VPS39: variants seen among roughly 807,000 people sequenced by gnomAD.
The protein encoded by VPS39 is vam6/Vps39-like protein.
A neutral mutation model predicts 121.0 loss-of-function variants in VPS39; 70 were observed. The observed-to-expected ratio is 0.58, with a 90% CI of 0.48 to 0.71. The LOEUF (loss-of-function observed/expected upper bound fraction) is 0.71. Ranked by LOEUF, VPS39 falls within the 30% of genes least tolerant of loss-of-function variation. The pLI, the probability that VPS39 is intolerant of heterozygous loss-of-function variation, is 0.00. For synonymous variants in VPS39, 378 were observed against 398.1 expected (o/e 0.95, Z 0.60); for missense variants, 818 against 1,051.5 (o/e 0.78, Z 3.07).
Position 42,178,870 on chromosome 15 carries a change from G to C in VPS39, c.719-300C>G, listed in dbSNP as rs1056386879. 9.9e-6 allele frequency: 3 copies of C among 304,314 alleles called. No individual in the cohort carries two copies. The Admixed American group carries it at 1.3e-4, about 13-fold the overall frequency. The allele number at this position is 304,314 out of a possible 1,614,324, so 18.9% of individuals were successfully genotyped here. A position where few individuals can be genotyped will look rare whatever the true frequency, so the allele number is the denominator to read the frequency against. On this transcript the variant is annotated intron_variant, in intron 8 of 24. Coordinates refer to ENST00000318006, the MANE Select transcript of VPS39 (RefSeq NM_015289.5). Reference sequence around the variant, plus strand: ...ATTTATTAAAAAATTAGTCAGGTGTGGTGGTGCACACCTGTAGTCCCAGCT... The same window carrying C: ...ATTTATTAAAAAATTAGTCAGGTGTCGTGGTGCACACCTGTAGTCCCAGCT...
intron 19 of VPS39, 46 bp downstream of exon 19, chr15:42,164,312 C>A: frequency 6.2e-7 from 1 of 1,610,838 alleles, no homozygotes; most frequent in Non-Finnish European, 8.5e-7. Context: ...TTAGTCTTTG[C>A]ATGACCTTCG....
At chr15:42,187,608 T>C (rs2049730099) in intron 6 of VPS39, 150 bp downstream of exon 6, 2 of 774,348 alleles carry the variant, frequency 2.6e-6, no homozygotes, top group African/African-American at 1.7e-5. Context: ...TGTAGAATCA[T>C]ATTACAAGTA....
At position 42,165,119 on chromosome 15, in the gene VPS39, G is replaced by A. The variant is rs756285466; in HGVS notation, c.1780-6C>T. ...CAAACATGGATGATGTGTTCCTGAG[G>A]CAAGATGTAGGTCTTTGTCACTGGT... On this transcript the variant is annotated splice_region_variant and splice_polypyrimidine_tract_variant and intron_variant, in intron 17 of 24. Coordinates refer to ENST00000318006, the MANE Select transcript of VPS39 (RefSeq NM_015289.5). 4.3e-6 allele frequency: 7 copies of A among 1,613,654 alleles called. 1 individual carries two copies. The South Asian group carries it at 7.7e-5, about 18-fold the overall frequency.
intron 10 of VPS39, 119 bp downstream of exon 10, chr15:42,178,099 C>CCCTGGACT: frequency 7.2e-7 from 1 of 1,390,516 alleles, no homozygotes; most frequent in Non-Finnish European, 9.8e-7. Context: ...GTATTCAAGG[C>CCCTGGACT]CCTGGACTTT....
intron 7 of VPS39, among the ~76,000 whole-genome samples, chr15:42,186,878 T>G (rs538960957): frequency 6.6e-6 from 1 of 152,246 alleles, no homozygotes; most frequent in African/African-American, 2.4e-5. Flanking sequence ...ACAAAAAGAT[T>G]TGACGGCAGG....
At position 42,167,401 on chromosome 15, in the gene VPS39, T is replaced by C. The variant is rs777454466; in HGVS notation, c.1370A>G (p.Tyr457Cys). The C allele has an allele frequency of 3.7e-6, 6 of 1,614,110 alleles. No homozygotes were observed. The highest frequency in any genetic ancestry group is 4.2e-6 in the Non-Finnish European group (5 of 1,179,982). ...QIIDTTLLKC[Y>C]LHTNVALVAP... ...AGCGCTCAGGTAACTCACATGGAGA[T>C]AGCACTTGAGCAGGGTGGTGTCGAT... The change falls in exon 13 of 25, where the codon TAT (tyrosine) becomes TGT (cysteine). Residue 457 changes from tyrosine to cysteine, a missense_variant. Physicochemically the swap from Tyr to Cys is radical, Grantham distance 194 (BLOSUM62 -2). Transcript: ENST00000318006.
chr15:42,184,561 G>C lies in VPS39; in HGVS notation c.674C>G (p.Thr225Arg). ...TVVLNEEGIC[T>R]QKCALNWTDI... Reference sequence around the variant, plus strand: ...CGTCCAGTTCAGGGCACATTTCTGTGTGCAGATCCCTTCCTCATTGAGTAC... The same window carrying C: ...CGTCCAGTTCAGGGCACATTTCTGTCTGCAGATCCCTTCCTCATTGAGTAC... The change falls in exon 8 of 25, where the codon ACA becomes AGA. Residue 225 changes from threonine (T) to arginine (R), a missense_variant. Transcript: ENST00000318006. 6.2e-7 allele frequency: 1 copy of C among 1,614,004 alleles called. No individual in the cohort carries two copies. Among genetic ancestry groups the C allele is most frequent in the South Asian group, 1.1e-5 (1 of 91,068 alleles).
intron 24 of VPS39, 118 bp from the exon 25 acceptor site, chr15:42,160,947 C>T: frequency 9.9e-7 from 1 of 1,008,748 alleles, no homozygotes; most frequent in African/African-American, 1.6e-5. Flanking sequence ...AGCAGCCCAC[C>T]CAAACCTCAA....
In VPS39 at chr15:42,187,981, C is replaced by T. The variant is rs2049740321; in HGVS notation, c.343-125G>A. ...GAAAATTCCCTGTAACACAGTCATC[C>T]TGCCAGGAAAGCTGAGCAGAACACC... On this transcript the variant is annotated intron_variant, in intron 5 of 24. Coordinates refer to ENST00000318006, the MANE Select transcript of VPS39 (RefSeq NM_015289.5). 37 of 856,112 alleles carry T rather than the reference C, an allele frequency of 4.3e-5. 1 individual carries two copies. In the South Asian group the frequency reaches 5.5e-4, roughly 13 times the overall value. The allele number at this position is 856,112 out of a possible 1,614,324, so 53.0% of individuals were successfully genotyped here. A position where few individuals can be genotyped will look rare whatever the true frequency, so the allele number is the denominator to read the frequency against.
At chr15:42,192,623 A>G (rs1453817896) in intron 2 of VPS39, among the ~76,000 whole-genome samples, 1 of 152,070 alleles carries the variant, frequency 6.6e-6, no homozygotes, top group African/African-American at 2.4e-5. Flanking sequence ...CCCTCAGCAG[A>G]GGGGATGAAG....
chr15:42,181,092 A>G (rs1185948706), intron 8 of VPS39, among the ~76,000 whole-genome samples: 1 of 152,236 alleles, frequency 6.6e-6, no homozygotes, highest in Non-Finnish European at 1.5e-5. Flanking sequence ...AGCATTATTC[A>G]CAGCAGCCAA....
intron 1 of VPS39, 83 bp from the exon 2 acceptor site, chr15:42,200,044 T>A: frequency 1.5e-6 from 2 of 1,296,828 alleles, no homozygotes; most frequent in Non-Finnish European, 2.0e-6. Context: ...ATAACCCTAT[T>A]TTTTTAGCTG....
chr15:42,190,171 A>G (rs981033186), intron 4 of VPS39, among the ~76,000 whole-genome samples: 2 of 152,194 alleles, frequency 1.3e-5, no homozygotes, highest in African/African-American at 4.8e-5. Flanking sequence ...TGCAGTATTT[A>G]TACAAGAAAT....
intron 2 of VPS39, 95 bp downstream of exon 2, chr15:42,199,801 A>C (rs573730271): frequency 1.5e-6 from 2 of 1,367,974 alleles, no homozygotes; most frequent in Admixed American, 2.5e-5. Context: ...CTAACCTTCA[A>C]TCTCTCTTTT....
In VPS39 at chr15:42,184,551, AC is replaced by A; in HGVS notation, c.683del (p.Cys228LeufsTer3). The A allele has an allele frequency of 6.2e-7, 1 of 1,613,518 alleles. No individual in the cohort carries two copies. Among genetic ancestry groups the A allele is most frequent in the Non-Finnish European group, 8.5e-7 (1 of 1,179,848 alleles). ...LNEEGICTQKCALNWTDIPVA... is the reference protein window; with the variant it reads ...LNEEGICTQKXALNWTDIPVA... Reference sequence around the variant, plus strand: ...CTGGTATGTCCGTCCAGTTCAGGGCACATTTCTGTGTGCAGATCCCTTCCTC... The same window carrying A: ...CTGGTATGTCCGTCCAGTTCAGGGCAATTTCTGTGTGCAGATCCCTTCCTC... On this transcript the variant is annotated frameshift_variant, in exon 8 of 25. Transcript: ENST00000318006. LOFTEE classifies it high-confidence loss of function.
rs1566887366 is a variant in VPS39 at position 42,161,627 on chromosome 15, AC to A, written c.2552+54del. On this transcript the variant is annotated intron_variant, in intron 24 of 24. Coordinates refer to ENST00000318006, the MANE Select transcript of VPS39 (RefSeq NM_015289.5). ...CAGAAATCCATCCTGAGCGTTCTCC[AC>A]CCCTGGGAACCTCCACAAAGCCCAG... 3 of 1,561,170 alleles carry A rather than the reference AC, an allele frequency of 1.9e-6. No individual in the cohort carries two copies. The Admixed American group carries it at 5.0e-5, about 26-fold the overall frequency.
chr15:42,162,137 C>T lies in VPS39; in HGVS notation c.2355G>A (p.Gln785=). ...CCAGGAAGATGCGTATGTCATTGAT[C>T]TGAGTGTTTGCTGGCAGAAGGTTGA... The part of the protein sequence containing the change: ...KALNLLPANT[Q]INDIRIFLEK... The change falls in exon 23 of 25, where the codon CAG becomes CAA. Residue 785 remains glutamine, a synonymous_variant. Coordinates refer to ENST00000318006, the MANE Select transcript of VPS39 (RefSeq NM_015289.5). 8.7e-6 allele frequency: 14 copies of T among 1,614,170 alleles called. No individual in the cohort carries two copies. The highest frequency in any genetic ancestry group is 1.2e-5 in the Non-Finnish European group (14 of 1,180,048).
chr15:42,177,666 A>T (rs1381641802), intron 10 of VPS39, among the ~76,000 whole-genome samples: 2 of 148,004 alleles, frequency 1.4e-5, no homozygotes, highest in South Asian at 2.1e-4. Context: ...TCTCCCATTA[A>T]TTTTTTTTTT....
chr15:42,168,365 TGTAGGCAGTGG>T (rs886246137), intron 12 of VPS39, among the ~76,000 whole-genome samples: 11 of 120,022 alleles, frequency 9.2e-5, no homozygotes, highest in African/African-American at 3.6e-4. Flanking sequence ...GTGTGCAGTG[TGTAGGCAGTGG>T]CAAGTTTGTG....
Sources: gnomAD v4.1 joint callset for allele counts (sites outside exome capture counted in the v4.1 genomes callset) on GRCh38, gnomAD v4.1.1 for gene constraint, MANE v1.5 for transcripts, NCBI Gene and HGNC (gene_info 2026-07-23, HGNC 2026-07-21) for gene names.